SLC4A1AP: variants seen among roughly 807,000 people sequenced by gnomAD.
The protein encoded by SLC4A1AP is solute carrier family 4 member 1 adaptor protein, also known as kanadaptin.
Under a neutral mutation model 89.7 loss-of-function variants are expected in SLC4A1AP, and 64 were observed. That is an observed-to-expected ratio of 0.71 (90% CI 0.58 to 0.88). The LOEUF is 0.88. Ranked by LOEUF, SLC4A1AP falls within the 40% of genes least tolerant of loss-of-function variation. SLC4A1AP has a pLI of 0.00. For missense variants in SLC4A1AP, 931 were observed against 965.0 expected, an observed-to-expected ratio of 0.96 and a Z score of 0.47; for synonymous variants, 366 against 353.3, an observed-to-expected ratio of 1.04 and a Z score of -0.40.
chr2:27,689,411 A>G (rs2148140786), intron 12 of SLC4A1AP, among the ~76,000 whole-genome samples: 1 of 152,274 alleles, frequency 6.6e-6, no homozygotes, highest in African/African-American at 2.4e-5. Context: ...ACTTGCATCT[A>G]TGATATACTA....
chr2:27,682,439 T>G (rs529561165), intron 9 of SLC4A1AP, 80 bp downstream of exon 9: 10 of 778,166 alleles, frequency 1.3e-5, no homozygotes, highest in Middle Eastern at 3.0e-4. Context: ...TTTTTGAAAC[T>G]ACAAATGACT....
chr2:27,693,521 T>C (rs1675822974), intron 12 of SLC4A1AP, 164 bp from the exon 13 acceptor site: 1 of 587,040 alleles, frequency 1.7e-6, no homozygotes, highest in Admixed American at 3.4e-5. Flanking sequence ...AAAAAGACTT[T>C]ATTTCTCTTT....
At chr2:27,664,168 C>A in exon 1 of SLC4A1AP, 1 of 1,614,198 alleles carries the variant, frequency 6.2e-7, no homozygotes, top group Non-Finnish European at 8.5e-7. Context: ...TCGCGCCCCC[C>A]GACAGCGGTT....
At position 27,668,916 on chromosome 2, in the gene SLC4A1AP, C is replaced by A; in HGVS notation, c.1205+13C>A. 6.2e-7 allele frequency: 1 copy of A among 1,612,188 alleles called. No individual in the cohort carries two copies. Among genetic ancestry groups the A allele is most frequent in the South Asian group, 1.1e-5 (1 of 90,768 alleles). ...TCTGCAGGGTGAGGTATGCTCTTTTCTTATTAATGTTCTTTTCTGGAAAAT... is the reference window on the plus strand; with the variant it reads ...TCTGCAGGGTGAGGTATGCTCTTTTATTATTAATGTTCTTTTCTGGAAAAT... On this transcript the variant is annotated intron_variant, in intron 4 of 13. Transcript: ENST00000613058.
chr2:27,684,878 A>G (rs1675678848), intron 9 of SLC4A1AP, among the ~76,000 whole-genome samples, 159 bp from the exon 10 acceptor site: 1 of 152,184 alleles, frequency 6.6e-6, no homozygotes, highest in Non-Finnish European at 1.5e-5. Context: ...TAGAGGGGTA[A>G]AATTTCATGT....
At chr2:27,680,024 C>A (rs1272267750) in intron 8 of SLC4A1AP, among the ~76,000 whole-genome samples, 3 of 152,094 alleles carry the variant, frequency 2.0e-5, no homozygotes, top group Non-Finnish European at 2.9e-5. Flanking sequence ...TACCCTGTCC[C>A]CCCAACCCTT....
chr2:27,688,019 A>G, exon 11 of SLC4A1AP: 1 of 1,613,130 alleles, frequency 6.2e-7, no homozygotes. Context: ...CAGGACCCTC[A>G]GGCAAGTAGT....
intron 5 of SLC4A1AP, among the ~76,000 whole-genome samples, chr2:27,670,922 C>CTTTTTTTTT (rs34481114): frequency 4.5e-5 from 5 of 111,846 alleles, no homozygotes; most frequent in Non-Finnish European, 7.2e-5. Context: ...CTTTTCTTTT[C>CTTTTTTTTT]TTTTTTTTTT....
At chr2:27,669,925 G>T (rs141085316) in intron 5 of SLC4A1AP, among the ~76,000 whole-genome samples, 31 of 152,038 alleles carry the variant, frequency 2.0e-4, no homozygotes, top group African/African-American at 6.8e-4. Flanking sequence ...GTGCAATGGC[G>T]CAATCTCACC....
At chr2:27,668,740 G>T (rs1454168959) in intron 3 of SLC4A1AP, 103 bp from the exon 4 acceptor site, 1 of 1,108,688 alleles carries the variant, frequency 9.0e-7, no homozygotes. Context: ...GTGAGCCACT[G>T]CTAGGAACTT....
At chr2:27,672,679 A>T (rs1396274508) in intron 5 of SLC4A1AP, among the ~76,000 whole-genome samples, 1 of 152,078 alleles carries the variant, frequency 6.6e-6, no homozygotes, top group Non-Finnish European at 1.5e-5. Flanking sequence ...AAGGTGATTG[A>T]CAGTTTGGAA....
chr2:27,675,160 A>G (rs1572991812), intron 5 of SLC4A1AP, among the ~76,000 whole-genome samples: 2 of 152,234 alleles, frequency 1.3e-5, no homozygotes, highest in South Asian at 4.1e-4. Flanking sequence ...TCACAATATT[A>G]TGGAACCATC....
At chr2:27,669,172 T>C in intron 4 of SLC4A1AP, 76 bp from the exon 5 acceptor site, 1 of 1,447,260 alleles carries the variant, frequency 6.9e-7, no homozygotes. Context: ...AAAATGACTA[T>C]TATCATAGCA....
At chr2:27,673,034 G>C (rs1188791512) in intron 5 of SLC4A1AP, among the ~76,000 whole-genome samples, 1 of 116,702 alleles carries the variant, frequency 8.6e-6, no homozygotes, top group Non-Finnish European at 2.1e-5. Flanking sequence ...ACCCTTTCCA[G>C]AGATTAACCT....
intron 9 of SLC4A1AP, 71 bp from the exon 10 acceptor site, chr2:27,684,966 C>T (rs1008752311): frequency 6.6e-7 from 1 of 1,504,088 alleles, no homozygotes; most frequent in Non-Finnish European, 8.9e-7. Flanking sequence ...TTAGACTGAC[C>T]TCCTTGAAAA....
At chr2:27,682,103 C>T in intron 8 of SLC4A1AP, 145 bp from the exon 9 acceptor site, 1 of 582,830 alleles carries the variant, frequency 1.7e-6, no homozygotes, top group Non-Finnish European at 3.1e-6. Context: ...GGTCTGAATA[C>T]CTCTTTCTTA....
chr2:27,664,400 G>T, exon 1 of SLC4A1AP: 1 of 1,614,240 alleles, frequency 6.2e-7, no homozygotes, highest in Admixed American at 1.7e-5. Context: ...TGCAGCACAG[G>T]GCGTCCGGCC....
At chr2:27,689,040 A>G (rs1675749739) in intron 12 of SLC4A1AP, among the ~76,000 whole-genome samples, 1 of 152,208 alleles carries the variant, frequency 6.6e-6, no homozygotes, top group Admixed American at 6.5e-5. Context: ...TGAATAACAT[A>G]TTCTTATTTT....
At position 27,681,980 on chromosome 2, in the gene SLC4A1AP, T is replaced by G. The variant is rs1193149731; in HGVS notation, c.1764-268T>G. Among the ~76,000 whole-genome samples the G allele has an allele frequency of 4.6e-5, 7 of 152,322 alleles. No individual in the cohort carries two copies. In the South Asian group the frequency reaches 6.2e-4, roughly 14 times the overall value. On this transcript the variant is annotated intron_variant, in intron 8 of 13. Coordinates refer to ENST00000613058, the Ensembl canonical transcript of SLC4A1AP. ...CAGTGACCTTTGTACTGTAGTCATT[T>G]CATGGGTGTGAAGTCATGTAGCATG...
Sources: allele counts gnomAD v4.1 joint callset (sites outside exome capture counted in the v4.1 genomes callset), GRCh38; gene constraint gnomAD v4.1.1; transcripts MANE v1.5; gene names NCBI Gene and HGNC (gene_info 2026-07-23, HGNC 2026-07-21).